TCF7L1: variants seen among roughly 807,000 people sequenced by gnomAD.
TCF7L1 encodes the protein transcription factor 7-like 1.
TCF7L1 carries 18 observed loss-of-function variants against 63.7 expected under a neutral mutation model. The ratio of observed to expected loss-of-function variants is 0.28; its 90% CI spans 0.20 to 0.42. TCF7L1 has a LOEUF of 0.42. Ranked by LOEUF, TCF7L1 falls within the 10% of genes least tolerant of loss-of-function variation. The pLI, the probability that TCF7L1 is intolerant of heterozygous loss-of-function variation, is 1.00. For missense variants in TCF7L1, 654 were observed against 779.3 expected (o/e 0.84, Z 1.91); for synonymous variants, 355 against 340.9 (o/e 1.04, Z -0.46).
chr2:85,210,943 G>A (rs1558634817), intron 3 of TCF7L1, among the ~76,000 whole-genome samples: 1 of 152,178 alleles, frequency 6.6e-6, no homozygotes, highest in African/African-American at 2.4e-5. Flanking sequence ...AGGAACCTGC[G>A]CGAGGCACCA....
intron 3 of TCF7L1, among the ~76,000 whole-genome samples, chr2:85,175,691 T>C (rs72840119): frequency 0.037 from 5,620 of 152,250 alleles, 150 homozygotes; most frequent in Non-Finnish European, 0.053. Context: ...TCTGCCTAAA[T>C]AGTAGTGAAC....
At position 85,179,105 on chromosome 2, in the gene TCF7L1, T is replaced by C. The variant is rs544591345; in HGVS notation, c.441+44655T>C. On this transcript the variant is annotated intron_variant, in intron 3 of 11. Coordinates refer to ENST00000282111, the MANE Select transcript of TCF7L1 (RefSeq NM_031283.3). ...CAGGGCCACTGGCTTCTGCAGGCGT[T>C]GTTGTCTTTTGCTCCTAAACAGCAA... is the stretch of plus-strand genomic sequence containing the variant. Among the ~76,000 whole-genome samples the C allele has an allele frequency of 3.9e-5, 6 of 152,322 alleles. No homozygotes were observed. The South Asian group carries it at 1.2e-3, about 32-fold the overall frequency.
intron 3 of TCF7L1, among the ~76,000 whole-genome samples, chr2:85,281,922 C>G (rs1025951114): frequency 1.3e-5 from 2 of 152,220 alleles, no homozygotes; most frequent in African/African-American, 4.8e-5. Flanking sequence ...CTGTACACAG[C>G]AGAGCCAGAT....
intron 3 of TCF7L1, among the ~76,000 whole-genome samples, chr2:85,238,209 A>G (rs1052136111): frequency 3.3e-5 from 5 of 152,216 alleles, no homozygotes; most frequent in African/African-American, 9.6e-5. Flanking sequence ...AAGAAAGGCC[A>G]GCACACAGAC....
chr2:85,165,082 C>G (rs1352733132), intron 3 of TCF7L1, among the ~76,000 whole-genome samples: 1 of 152,172 alleles, frequency 6.6e-6, no homozygotes, highest in Non-Finnish European at 1.5e-5. Flanking sequence ...CTTCCCTAGC[C>G]TACCAAGGAG....
intron 3 of TCF7L1, among the ~76,000 whole-genome samples, chr2:85,242,834 C>T (rs1680367064): frequency 6.6e-6 from 1 of 152,174 alleles, no homozygotes; most frequent in Admixed American, 6.5e-5. Flanking sequence ...TCTCTGCCTC[C>T]CTATTGAAGC....
At chr2:85,296,377 A>G (rs2104382137) in intron 4 of TCF7L1, among the ~76,000 whole-genome samples, 1 of 152,248 alleles carries the variant, frequency 6.6e-6, no homozygotes, top group East Asian at 1.9e-4. Flanking sequence ...CAGATTGTGC[A>G]TTTTTGGCCA....
rs566181642 is a variant in TCF7L1, at chr2:85,254,052, T to A, written c.442-29443T>A. The stretch of plus-strand genomic sequence containing the variant: ...TTGCCATGAGAGCCCCATGAAGGGC[T>A]CATGGCCTGGAGCGGGTGGGAGGGC... On this transcript the variant is annotated intron_variant, in intron 3 of 11. Coordinates refer to ENST00000282111, the MANE Select transcript of TCF7L1 (RefSeq NM_031283.3). Among the ~76,000 whole-genome samples, 13 of 152,332 alleles carry A rather than the reference T, an allele frequency of 8.5e-5. 1 individual carries two copies. In the South Asian group the frequency reaches 2.7e-3, roughly 32 times the overall value.
chr2:85,216,245 C>T (rs945176552), intron 3 of TCF7L1, among the ~76,000 whole-genome samples: 4 of 152,274 alleles, frequency 2.6e-5, no homozygotes, highest in Middle Eastern at 3.4e-3. Flanking sequence ...TTTCCTTCCC[C>T]GTGGCTCCGG....
At chr2:85,241,369 G>A (rs1680321097) in intron 3 of TCF7L1, among the ~76,000 whole-genome samples, 1 of 151,582 alleles carries the variant, frequency 6.6e-6, no homozygotes, top group African/African-American at 2.4e-5. Context: ...GAGGATGGGA[G>A]CAGGGGAACA....
intron 3 of TCF7L1, among the ~76,000 whole-genome samples, chr2:85,168,546 C>T (rs764693712): frequency 2.0e-5 from 3 of 149,674 alleles, no homozygotes; most frequent in Non-Finnish European, 4.4e-5. Context: ...GCACCATCCA[C>T]CCACCGCCTG....
chr2:85,144,719 C>CTCTGTGTGTGTGTGTG (rs1553393493), intron 3 of TCF7L1, among the ~76,000 whole-genome samples: 2 of 140,452 alleles, frequency 1.4e-5, no homozygotes, highest in Non-Finnish European at 3.1e-5. Flanking sequence ...CTCTCTCTCT[C>CTCTGTGTGTGTGTGTG]TGTGTGTGTG....
chr2:85,184,041 A>C (rs1340201404), intron 3 of TCF7L1, among the ~76,000 whole-genome samples: 3 of 152,136 alleles, frequency 2.0e-5, no homozygotes, highest in Non-Finnish European at 4.4e-5. Context: ...CCAGGAAGGA[A>C]AGCTAGGCCT....
rs535830227 is a variant in TCF7L1, at chr2:85,225,623, A to AT, written c.442-57868dup. Among the ~76,000 whole-genome samples the AT allele has an allele frequency of 8.7e-3, 1,330 of 152,242 alleles. 21 individuals are homozygous for AT. Among genetic ancestry groups the AT allele is most frequent in the African/African-American group, 0.031 (1,268 of 41,530 alleles). On this transcript the variant is annotated intron_variant, in intron 3 of 11. Transcript: ENST00000282111. ...GAATGCTTGTGATTTTTGCACATTG[A>AT]TTTTGTATCCTGAGACTTTGCTGAA...
intron 3 of TCF7L1, among the ~76,000 whole-genome samples, chr2:85,202,690 T>A (rs2104279466): frequency 6.6e-6 from 1 of 152,316 alleles, no homozygotes; most frequent in Admixed American, 6.5e-5. Flanking sequence ...GATAAGTTGA[T>A]CATATTAGAA....
intron 3 of TCF7L1, among the ~76,000 whole-genome samples, chr2:85,145,463 G>C (rs1677856383): frequency 6.6e-6 from 1 of 152,216 alleles, no homozygotes; most frequent in African/African-American, 2.4e-5. Context: ...AGATTTGTTG[G>C]CAGTAGTGCT....
intron 7 of TCF7L1, among the ~76,000 whole-genome samples, chr2:85,304,623 C>T (rs1682060635): frequency 6.6e-6 from 1 of 152,290 alleles, no homozygotes; most frequent in East Asian, 1.9e-4. Flanking sequence ...GACAGATGCT[C>T]CCCGACTTAG....
chr2:85,194,875 T>C (rs1679118225), intron 3 of TCF7L1, among the ~76,000 whole-genome samples: 1 of 152,228 alleles, frequency 6.6e-6, no homozygotes. Flanking sequence ...TCAAGTTTAA[T>C]CACCACAAAA....
intron 4 of TCF7L1, among the ~76,000 whole-genome samples, chr2:85,296,833 C>T (rs542333135): frequency 6.6e-6 from 1 of 152,202 alleles, no homozygotes; most frequent in East Asian, 1.9e-4. Context: ...AAATTAAAAA[C>T]CATTCTACAA....
Sources: allele counts gnomAD v4.1 joint callset (sites outside exome capture counted in the v4.1 genomes callset), GRCh38; gene constraint gnomAD v4.1.1; transcripts MANE v1.5; gene names NCBI Gene and HGNC (gene_info 2026-07-23, HGNC 2026-07-21).